THUMPD3: variants seen among roughly 807,000 people sequenced by gnomAD.
THUMPD3 encodes tRNA (guanine(6)-N(2))-methyltransferase THUMP3.
In THUMPD3, 44 loss-of-function variants were observed where a neutral mutation model predicts 54.5. That is an observed-to-expected ratio of 0.81 (90% CI 0.63 to 1.04). THUMPD3 has a LOEUF of 1.04. THUMPD3 is among the 50% of genes least tolerant of loss of function. THUMPD3 has a pLI of 0.00. For missense variants in THUMPD3, 604 were observed against 601.3 expected, an observed-to-expected ratio of 1.00 and a Z score of -0.05; for synonymous variants, 196 against 201.4, an observed-to-expected ratio of 0.97 and a Z score of 0.23.
At chr3:9,381,857 G>A (rs1344481418) in intron 7 of THUMPD3, among the ~76,000 whole-genome samples, 10 of 128,814 alleles carry the variant, frequency 7.8e-5, no homozygotes, top group African/African-American at 3.0e-4. Flanking sequence ...TCGGCTCACT[G>A]CAAGCTCCGC....
chr3:9,369,819 T>G (rs565759931), intron 3 of THUMPD3, among the ~76,000 whole-genome samples: 5 of 152,344 alleles, frequency 3.3e-5, no homozygotes, highest in Non-Finnish European at 7.4e-5. Flanking sequence ...GACAACTGTT[T>G]AGTCTTAGTT....
At chr3:9,383,927 AATG>A (rs1261744067) in intron 8 of THUMPD3, among the ~76,000 whole-genome samples, 3 of 152,190 alleles carry the variant, frequency 2.0e-5, no homozygotes, top group Non-Finnish European at 4.4e-5. Context: ...ACCTGGCCTA[AATG>A]ATTTCTAATC....
chr3:9,367,801 C>A (rs967606579), intron 3 of THUMPD3, among the ~76,000 whole-genome samples: 3 of 152,144 alleles, frequency 2.0e-5, no homozygotes, highest in Non-Finnish European at 4.4e-5. Flanking sequence ...CGTGGTGGCT[C>A]ACACCTGTAA....
intron 5 of THUMPD3, 35 bp downstream of exon 5, chr3:9,374,681 G>T: frequency 6.2e-7 from 1 of 1,609,924 alleles, no homozygotes; most frequent in East Asian, 2.2e-5. Flanking sequence ...GCTTAAAGTG[G>T]CACCTTGGTT....
At chr3:9,380,699 A>C in intron 7 of THUMPD3, 81 bp downstream of exon 7, 1 of 953,974 alleles carries the variant, frequency 1.0e-6, no homozygotes, top group Non-Finnish European at 1.6e-6. Flanking sequence ...TAAAACTCCC[A>C]GTGCATTGTG....
At chr3:9,382,776 G>A (rs1260695115) in intron 7 of THUMPD3, 2 of 153,218 alleles carry the variant, frequency 1.3e-5, no homozygotes, top group Non-Finnish European at 2.9e-5. Context: ...ACCCAGGCTG[G>A]AGTAAAGCGG....
rs143288554 is a variant in THUMPD3, at chr3:9,381,635, C to A, written c.1124+1017C>A. On this transcript the variant is annotated intron_variant, in intron 7 of 9. Coordinates refer to ENST00000452837, the MANE Select transcript of THUMPD3 (RefSeq NM_001114092.2). ...TTTATTGAGGGTTTTTTTTAATGAG[C>A]CTAGTATATGGCCAGTCTTTTTTTT... 5.2e-3 allele frequency among the ~76,000 whole-genome samples: 720 copies of A among 138,726 alleles called. 15 individuals are homozygous for A. The highest frequency in any genetic ancestry group is 0.019 in the African/African-American group (694 of 36,094). 91.0% of individuals were successfully genotyped at this position (138,726 alleles called of 152,430 possible). A position where few individuals can be genotyped will look rare whatever the true frequency, so the allele number is the denominator to read the frequency against.
chr3:9,364,782 T>C (rs1314363468), intron 1 of THUMPD3, among the ~76,000 whole-genome samples: 1 of 152,288 alleles, frequency 6.6e-6, no homozygotes, highest in Non-Finnish European at 1.5e-5. Context: ...CATTGCATGC[T>C]ATGGAAATAC....
At chr3:9,381,846 C>G (rs1324561803) in intron 7 of THUMPD3, among the ~76,000 whole-genome samples, 82 of 132,862 alleles carry the variant, frequency 6.2e-4, no homozygotes, top group Non-Finnish European at 1.7e-4. Context: ...GTGGCTTGAT[C>G]TCGGCTCACT....
At chr3:9,380,467 G>C in intron 6 of THUMPD3, 36 bp from the exon 7 acceptor site, 1 of 1,369,952 alleles carries the variant, frequency 7.3e-7, no homozygotes, top group South Asian at 1.2e-5. Flanking sequence ...TTTACAGTTT[G>C]CTACTTTTGT....
intron 2 of THUMPD3, among the ~76,000 whole-genome samples, chr3:9,365,666 A>C (rs1434455363): frequency 6.6e-6 from 1 of 151,354 alleles, no homozygotes; most frequent in Non-Finnish European, 1.5e-5. Context: ...ATCTTGGCTC[A>C]CTGCAACCTC....
chr3:9,363,208 G>C (rs1373773212), intron 1 of THUMPD3, 81 bp downstream of exon 1: 1 of 152,302 alleles, frequency 6.6e-6, no homozygotes, highest in Non-Finnish European at 1.5e-5. Flanking sequence ...CCTTCCTCTT[G>C]CAGTTGAGGC....
intron 3 of THUMPD3, 37 bp downstream of exon 3, chr3:9,367,022 G>C (rs757571370): frequency 2.7e-6 from 4 of 1,499,670 alleles, no homozygotes; most frequent in Non-Finnish European, 3.7e-6. Flanking sequence ...ATTTTTGGCT[G>C]TCTTCCACAA....
In THUMPD3 at chr3:9,372,553, G is replaced by T. The variant is rs548981571; in HGVS notation, c.807+1017G>T. Among the ~76,000 whole-genome samples, 14 of 151,620 alleles carry T rather than the reference G, an allele frequency of 9.2e-5. 1 individual carries two copies. Among genetic ancestry groups the T allele is most frequent in the African/African-American group, 3.4e-4 (14 of 41,314 alleles). ...CAAGATCATGCCACTGCACTTCAGC[G>T]TGGGTGACAGAGCAAGACTCCATCT... is the stretch of plus-strand genomic sequence containing the variant. On this transcript the variant is annotated intron_variant, in intron 4 of 9. Transcript: ENST00000452837.
chr3:9,376,340 C>G (rs2032456560), intron 5 of THUMPD3, among the ~76,000 whole-genome samples: 1 of 152,196 alleles, frequency 6.6e-6, no homozygotes, highest in Non-Finnish European at 1.5e-5. Flanking sequence ...CCTGTGGACT[C>G]TTGTCTCTTC....
intron 3 of THUMPD3, among the ~76,000 whole-genome samples, chr3:9,370,835 GAT>G (rs1460627306): frequency 6.6e-6 from 1 of 152,188 alleles, no homozygotes; most frequent in Non-Finnish European, 1.5e-5. Context: ...TCATAGGTAA[GAT>G]AGAGATGATT....
intron 7 of THUMPD3, among the ~76,000 whole-genome samples, chr3:9,382,568 A>G (rs767361907): frequency 3.9e-5 from 6 of 152,168 alleles, no homozygotes; most frequent in Non-Finnish European, 8.8e-5. Context: ...TATTCTTCAG[A>G]TACATCACCC....
chr3:9,377,563 CG>C (rs2032558050), intron 5 of THUMPD3, among the ~76,000 whole-genome samples: 1 of 151,992 alleles, frequency 6.6e-6, no homozygotes. Flanking sequence ...TTAGTGGAGA[CG>C]GGGTTTCGCC....
At chr3:9,373,408 T>C (rs1039832069) in intron 4 of THUMPD3, among the ~76,000 whole-genome samples, 1 of 152,002 alleles carries the variant, frequency 6.6e-6, no homozygotes, top group African/African-American at 2.4e-5. Flanking sequence ...AAGTAAGAGA[T>C]TGCTTGAGCC....
Sources: gnomAD v4.1 joint callset for allele counts (sites outside exome capture counted in the v4.1 genomes callset) on GRCh38, gnomAD v4.1.1 for gene constraint, MANE v1.5 for transcripts, NCBI Gene and HGNC (gene_info 2026-07-23, HGNC 2026-07-21) for gene names.